The following MAB21L4 variants were observed in gnomAD, a reference collection of about 807,000 sequenced individuals.
MAB21L4 encodes mab-21 like 4.
In MAB21L4, 25 loss-of-function variants were observed where a neutral mutation model predicts 32.4. The observed-to-expected ratio is 0.77, with a 90% CI of 0.56 to 1.08. MAB21L4 has a LOEUF of 1.08. MAB21L4 is among the 50% of genes least tolerant of loss of function. The probability of loss-of-function intolerance (pLI) is 0.00; values close to 1 mark genes in which losing one functional copy is unlikely to be tolerated. For missense variants in MAB21L4, 638 were observed against 611.0 expected (o/e 1.04, Z -0.47); for synonymous variants, 280 against 276.8 (o/e 1.01, Z -0.11).
chr2:240,892,037 A>G (rs2059155244), intron 1 of MAB21L4: 4 of 1,483,042 alleles, frequency 2.7e-6, no homozygotes, highest in Middle Eastern at 1.8e-4. Flanking sequence ...AGCACCAGTG[A>G]TGACAGCAGC....
chr2:240,892,214 A>G (rs970153757), intron 1 of MAB21L4, among the ~76,000 whole-genome samples: 2 of 152,114 alleles, frequency 1.3e-5, no homozygotes, highest in Admixed American at 6.5e-5. Context: ...TGGCCCTGGC[A>G]TCTCTGCTGC....
chr2:240,892,438 ATC>A (rs1420131217), intron 1 of MAB21L4, among the ~76,000 whole-genome samples: 1 of 147,228 alleles, frequency 6.8e-6, no homozygotes, highest in African/African-American at 2.5e-5. Flanking sequence ...CCCATGTTGG[ATC>A]CAGCTAGGGG....
intron 3 of MAB21L4, 34 bp from the exon 4 acceptor site, chr2:240,888,682 G>GCCCACCCGGCCCACCCTGTGCT: frequency 1.4e-6 from 2 of 1,394,872 alleles, no homozygotes; most frequent in South Asian, 1.5e-5. Context: ...TGGCCTCCTG[G>GCCCACCCGGCCCACCCTGTGCT]CCCACCCGGC....
intron 3 of MAB21L4, among the ~76,000 whole-genome samples, chr2:240,888,976 T>C (rs2059121744): frequency 6.6e-6 from 1 of 151,232 alleles, no homozygotes; most frequent in South Asian, 2.1e-4. Flanking sequence ...GGCCTTTCTC[T>C]CCTTCCCTCC....
chr2:240,895,361 G>A (rs546104232), intron 1 of MAB21L4, 123 bp downstream of exon 1: 11 of 963,916 alleles, frequency 1.1e-5, no homozygotes, highest in African/African-American at 3.3e-5. Flanking sequence ...GAAGACAGTC[G>A]CCACCCTGTG....
At chr2:240,895,404 TCACACACTTG>T in intron 1 of MAB21L4, 70 bp downstream of exon 1, 1 of 1,341,380 alleles carries the variant, frequency 7.5e-7, no homozygotes, top group Non-Finnish European at 1.0e-6. Context: ...ACATGTGCAC[TCACACACTTG>T]CACACAGACA....
chr2:240,895,187 C>A (rs1308140630), intron 1 of MAB21L4, among the ~76,000 whole-genome samples: 2 of 152,340 alleles, frequency 1.3e-5, no homozygotes, highest in South Asian at 4.1e-4. Flanking sequence ...CCGTGGAACC[C>A]CCGTGCAAAC....
In MAB21L4 at chr2:240,888,501, G is replaced by A; in HGVS notation, c.1042C>T (p.Leu348=). The change falls in exon 4 of 5, where the codon CTG becomes TTG. Residue 348 remains leucine (L), a synonymous_variant. Transcript: ENST00000388934. ...PHFLHPQRNL[L]QGSGLDLGAI... is the part of the protein sequence containing the mutation. ...CCAAGGTCCAGGCCGCTGCCCTGCAGCAGGTTGCGCTGCGGGTGGAGGAAG... is the reference window on the plus strand; with the variant it reads ...CCAAGGTCCAGGCCGCTGCCCTGCAACAGGTTGCGCTGCGGGTGGAGGAAG... 1 of 1,606,276 alleles carries A rather than the reference G, an allele frequency of 6.2e-7. No homozygotes were observed. The highest frequency in any genetic ancestry group is 8.5e-7 in the Non-Finnish European group (1 of 1,178,750).
chr2:240,891,346 A>T (rs4675863), intron 2 of MAB21L4, among the ~76,000 whole-genome samples, 192 bp downstream of exon 2: 110,733 of 152,206 alleles, frequency 0.73, 40,987 homozygotes, highest in African/African-American at 0.85. Context: ...CCTTTCCACT[A>T]GGGAGAGGAC....
At position 240,890,070 on chromosome 2, in the gene MAB21L4, G is replaced by T; in HGVS notation, c.829C>A (p.Arg277=). The change falls in exon 3 of 5, where the codon CGG becomes AGG. Residue 277 remains arginine, a synonymous_variant. Coordinates refer to ENST00000388934, the MANE Select transcript of MAB21L4 (RefSeq NM_001085437.3). ...HRLDSLSILD[R]VNHESWRDSG... is the part of the protein sequence containing the mutation. ...TCACGCCAGCTCTCGTGGTTGACCC[G>T]GTCGAGGATGGAGAGGCTGTCCAGG... 1 of 1,613,480 alleles carries T rather than the reference G, an allele frequency of 6.2e-7. No homozygotes were observed. The highest frequency in any genetic ancestry group is 1.1e-5 in the South Asian group (1 of 91,074).
At position 240,891,558 on chromosome 2, in the gene MAB21L4, C is replaced by T. The variant is rs372350675; in HGVS notation, c.720G>A (p.Pro240=). Residue 240 remains proline, a synonymous_variant, in exon 2 of 5, where the codon CCG becomes CCA. Coordinates refer to ENST00000388934, the MANE Select transcript of MAB21L4 (RefSeq NM_001085437.3). ...RILSQGVDLV[P]ASAQLWRTST... The stretch of plus-strand genomic sequence containing the variant: ...CCTACCTCCAGAGCTGGGCGCTGGC[C>T]GGCACCAGGTCCACCCCTTGGCTGA... The T allele has an allele frequency of 1.2e-5, 19 of 1,610,128 alleles. No homozygotes were observed. Among genetic ancestry groups the T allele is most frequent in the Non-Finnish European group, 1.2e-5 (14 of 1,179,512 alleles).
At chr2:240,895,215 C>T (rs915134667) in intron 1 of MAB21L4, among the ~76,000 whole-genome samples, 18 of 152,232 alleles carry the variant, frequency 1.2e-4, no homozygotes, top group African/African-American at 3.9e-4. Context: ...ACACGGAACA[C>T]GTCATCTGTC....
At chr2:240,887,260 C>T (rs2059103573) in intron 4 of MAB21L4, 98 bp from the exon 5 acceptor site, 1 of 1,005,994 alleles carries the variant, frequency 9.9e-7, no homozygotes, top group East Asian at 2.4e-5. Context: ...ACTGGCCCTC[C>T]CTGGGCCATG....
chr2:240,887,205 GGAGCCCAT>G, intron 4 of MAB21L4, 43 bp from the exon 5 acceptor site: 2 of 1,534,010 alleles, frequency 1.3e-6, no homozygotes, highest in Non-Finnish European at 1.8e-6. Context: ...AGGGACCCCT[GGAGCCCAT>G]GATAAGCTCT....
chr2:240,890,978 G>A lies in MAB21L4; in HGVS notation c.740+560C>T, dbSNP rs146604969. Among the ~76,000 whole-genome samples the A allele has an allele frequency of 2.4e-3, 373 of 152,320 alleles. 2 individuals carry two copies. Among genetic ancestry groups the A allele is most frequent in the Non-Finnish European group, 3.3e-3 (227 of 68,028 alleles). The stretch of plus-strand genomic sequence containing the variant: ...CAGCTTTGCAAAGCCCTCCACTGAC[G>A]AGCGTGGATTCAACCATCCTTCCAG... On this transcript the variant is annotated intron_variant, in intron 2 of 4. Coordinates refer to ENST00000388934, the MANE Select transcript of MAB21L4 (RefSeq NM_001085437.3).
At chr2:240,889,338 G>A (rs1390094040) in intron 3 of MAB21L4, among the ~76,000 whole-genome samples, 1 of 152,116 alleles carries the variant, frequency 6.6e-6, no homozygotes, top group Non-Finnish European at 1.5e-5. Context: ...ACCAGGAGGG[G>A]CACCTCTCCC....
chr2:240,895,399 T>C (rs2059179120), intron 1 of MAB21L4, 85 bp downstream of exon 1: 1 of 1,302,112 alleles, frequency 7.7e-7, no homozygotes, highest in Admixed American at 2.6e-5. Flanking sequence ...CACACACATG[T>C]GCACTCACAC....
intron 1 of MAB21L4, among the ~76,000 whole-genome samples, chr2:240,895,038 C>A (rs1324356385): frequency 2.6e-5 from 4 of 152,224 alleles, no homozygotes; most frequent in Non-Finnish European, 5.9e-5. Context: ...GAAGTGGGCA[C>A]GGGATGGCCT....
Position 240,896,115 on chromosome 2 carries a change from C to T in MAB21L4, c.-118G>A. Reference sequence around the variant, plus strand: ...GTGAGCAGCAGGTCTGCAGGTGGGGCCTCAGCTCCCACACAGCAGAATTCC... The same window carrying T: ...GTGAGCAGCAGGTCTGCAGGTGGGGTCTCAGCTCCCACACAGCAGAATTCC... On this transcript the variant is annotated 5_prime_UTR_variant, in exon 1 of 5. Transcript: ENST00000388934. 18 of 1,364,128 alleles carry T rather than the reference C, an allele frequency of 1.3e-5. No homozygotes were observed. Among genetic ancestry groups the T allele is most frequent in the Non-Finnish European group, 1.7e-5 (18 of 1,065,586 alleles). The allele number at this position is 1,364,128 out of a possible 1,614,324, so 84.5% of individuals were successfully genotyped here.
Sources: allele counts gnomAD v4.1 joint callset (sites outside exome capture counted in the v4.1 genomes callset), GRCh38; gene constraint gnomAD v4.1.1; transcripts MANE v1.5; gene names NCBI Gene and HGNC (gene_info 2026-07-23, HGNC 2026-07-21).